Variants in SEMA3E observed in about 807,000 individuals in gnomAD.
The protein encoded by SEMA3E is semaphorin 3E.
SEMA3E carries 49 observed loss-of-function variants against 93.6 expected under a neutral mutation model. That is an observed-to-expected ratio of 0.52 (90% CI 0.42 to 0.66). SEMA3E has a LOEUF of 0.66. Among genes scored for constraint, SEMA3E ranks in the 30% least tolerant of loss-of-function variants. The pLI, the probability that SEMA3E is intolerant of heterozygous loss-of-function variation, is 0.00. For synonymous variants in SEMA3E, 363 were observed against 330.7 expected (o/e 1.10, Z -1.06); for missense variants, 906 against 964.8 (o/e 0.94, Z 0.81).
At chr7:83,454,272 A>ATATAT (rs1554327288) in intron 4 of SEMA3E, among the ~76,000 whole-genome samples, 10 of 110,122 alleles carry the variant, frequency 9.1e-5, no homozygotes, top group African/African-American at 4.3e-4. Flanking sequence ...AAAAAAAAAA[A>ATATAT]ATATATATAT....
chr7:83,513,496 A>G (rs1030476992), intron 1 of SEMA3E, among the ~76,000 whole-genome samples: 2 of 152,210 alleles, frequency 1.3e-5, no homozygotes, highest in South Asian at 4.1e-4. Flanking sequence ...TTGCACAAAC[A>G]TATTTTAAAA....
chr7:83,507,442 G>C (rs1021630731), intron 1 of SEMA3E, among the ~76,000 whole-genome samples: 1 of 130,166 alleles, frequency 7.7e-6, no homozygotes, highest in South Asian at 3.2e-4. Context: ...GTGTGTGTGT[G>C]TGTGTGTGTG....
chr7:83,622,912 G>A (rs1793595398), intron 1 of SEMA3E, among the ~76,000 whole-genome samples: 1 of 152,088 alleles, frequency 6.6e-6, no homozygotes, highest in Admixed American at 6.6e-5. Context: ...GTTGATCAGT[G>A]CAGCAAACCA....
At chr7:83,611,075 T>G (rs1793242792) in intron 1 of SEMA3E, among the ~76,000 whole-genome samples, 1 of 151,330 alleles carries the variant, frequency 6.6e-6, no homozygotes, top group African/African-American at 2.4e-5. Context: ...TGGCAAATTT[T>G]AGGCAAATTC....
At position 83,402,728 on chromosome 7, in the gene SEMA3E, A is replaced by G; in HGVS notation, c.1047T>C (p.Ile349=). Reference sequence around the variant, plus strand: ...CATATGGTCCGTTGAAGGCTGCCCGAATGCTAGACATGTGATAGACACATA... The same window carrying G: ...CATATGGTCCGTTGAAGGCTGCCCGGATGCTAGACATGTGATAGACACATA... The part of the protein sequence containing the change: ...HAICVYHMSS[I]RAAFNGPYAH... The change falls in exon 10 of 17, where the codon ATT becomes ATC. Residue 349 remains isoleucine, a synonymous_variant. Transcript: ENST00000643230. 6.2e-7 allele frequency: 1 copy of G among 1,613,006 alleles called. No individual in the cohort carries two copies. The highest frequency in any genetic ancestry group is 8.5e-7 in the Non-Finnish European group (1 of 1,179,206).
Position 83,466,504 on chromosome 7 carries a change from A to G in SEMA3E, c.434T>C (p.Ile145Thr). 6.2e-7 allele frequency: 1 copy of G among 1,614,058 alleles called. No individual in the cohort carries two copies. The highest frequency in any genetic ancestry group is 8.5e-7 in the Non-Finnish European group (1 of 1,179,986). Residue 145 changes from isoleucine (I) to threonine (T), a missense_variant, in exon 4 of 17, where the codon ATC becomes ACC. By Grantham distance (89) the Ile-to-Thr change is moderately conservative. Transcript: ENST00000643230. ...TGAFDPVCAF[I>T]RVGYHLEDPL... ...TACCTCCAAATGATATCCAACTCTG[A>G]TGAAGGCACAAACTGGATCAAAAGC...
At chr7:83,434,005 T>C (rs1562780785) in intron 4 of SEMA3E, among the ~76,000 whole-genome samples, 1 of 152,124 alleles carries the variant, frequency 6.6e-6, no homozygotes, top group Non-Finnish European at 1.5e-5. Context: ...TAATTATTTA[T>C]GAAGAAATTC....
intron 12 of SEMA3E, 43 bp downstream of exon 12, chr7:83,396,589 CTTGTAG>C (rs1312632578): frequency 1.8e-6 from 2 of 1,105,904 alleles, no homozygotes; most frequent in Admixed American, 3.5e-5. Context: ...TTACATCTCA[CTTGTAG>C]TTGTAATGCA....
intron 3 of SEMA3E, 119 bp downstream of exon 3, chr7:83,469,124 T>A (rs564946773): frequency 2.6e-6 from 2 of 770,938 alleles, no homozygotes; most frequent in East Asian, 5.2e-5. Flanking sequence ...TTTTTCTTCA[T>A]GAACCAAATT....
At chr7:83,449,448 T>C (rs1465113497) in intron 4 of SEMA3E, among the ~76,000 whole-genome samples, 1 of 151,970 alleles carries the variant, frequency 6.6e-6, no homozygotes, top group African/African-American at 2.4e-5. Flanking sequence ...AAATATTTTA[T>C]ATTCATTTTT....
At chr7:83,426,412 C>T (rs1788770525) in intron 4 of SEMA3E, among the ~76,000 whole-genome samples, 1 of 151,700 alleles carries the variant, frequency 6.6e-6, no homozygotes, top group Non-Finnish European at 1.5e-5. Flanking sequence ...TAAAATAATT[C>T]CTTAGCAGAA....
At chr7:83,504,552 G>T (rs564169438) in intron 1 of SEMA3E, among the ~76,000 whole-genome samples, 1 of 152,168 alleles carries the variant, frequency 6.6e-6, no homozygotes, top group South Asian at 2.1e-4. Context: ...GTGGCTAAGA[G>T]AAACATGAAG....
chr7:83,413,284 A>C (rs1788480712), intron 5 of SEMA3E, among the ~76,000 whole-genome samples: 1 of 150,158 alleles, frequency 6.7e-6, no homozygotes, highest in African/African-American at 2.4e-5. Flanking sequence ...AGAAAAATTC[A>C]CAGTAGTGTT....
rs73380741 is a variant in SEMA3E at position 83,573,360 on chromosome 7, A to C, written c.115+75068T>G. Among the ~76,000 whole-genome samples, 403 of 152,050 alleles carry C rather than the reference A, an allele frequency of 2.7e-3. 2 individuals are homozygous for C. Among genetic ancestry groups the C allele is most frequent in the African/African-American group, 9.1e-3 (377 of 41,496 alleles). On this transcript the variant is annotated intron_variant, in intron 1 of 16. Transcript: ENST00000643230. ...TCCTAATATTGAAATTCATATTTTC[A>C]TACACTATCATATTTAATAAAATTG...
At chr7:83,572,621 G>A (rs1794892221) in intron 1 of SEMA3E, among the ~76,000 whole-genome samples, 1 of 151,798 alleles carries the variant, frequency 6.6e-6, no homozygotes, top group Non-Finnish European at 1.5e-5. Flanking sequence ...CCTGGAGATG[G>A]AGCGAGACTC....
chr7:83,493,266 A>C (rs1319928643), intron 1 of SEMA3E, among the ~76,000 whole-genome samples: 1 of 151,912 alleles, frequency 6.6e-6, no homozygotes, highest in African/African-American at 2.4e-5. Flanking sequence ...TCTAACTATC[A>C]CATGTCCCAT....
At chr7:83,399,731 A>C (rs1224187782) in intron 11 of SEMA3E, among the ~76,000 whole-genome samples, 1 of 152,142 alleles carries the variant, frequency 6.6e-6, no homozygotes, top group Non-Finnish European at 1.5e-5. Flanking sequence ...GCAAGCCCCA[A>C]ATCCTCTCTT....
At chr7:83,445,672 T>A (rs890243838) in intron 4 of SEMA3E, among the ~76,000 whole-genome samples, 1 of 152,066 alleles carries the variant, frequency 6.6e-6, no homozygotes, top group African/African-American at 2.4e-5. Context: ...GAGCCAAGAT[T>A]GCGCCATTGC....
intron 4 of SEMA3E, among the ~76,000 whole-genome samples, chr7:83,437,537 T>A (rs1408751064): frequency 6.6e-6 from 1 of 151,900 alleles, no homozygotes; most frequent in African/African-American, 2.4e-5. Flanking sequence ...ATTTTAAACA[T>A]AAAAATCAGT....
Sources: gnomAD v4.1 joint callset for allele counts (sites outside exome capture counted in the v4.1 genomes callset) on GRCh38, gnomAD v4.1.1 for gene constraint, MANE v1.5 for transcripts, NCBI Gene and HGNC (gene_info 2026-07-23, HGNC 2026-07-21) for gene names.